LRBA: variants seen among roughly 807,000 people sequenced by gnomAD.
LRBA encodes LPS responsive beige-like anchor protein.
Under a neutral mutation model 330.0 loss-of-function variants are expected in LRBA, and 176 were observed. The observed-to-expected ratio is 0.53, with a 90% confidence interval of 0.47 to 0.60. The LOEUF is 0.60. LRBA is among the 20% of genes least tolerant of loss of function. The pLI, the probability that LRBA is intolerant of heterozygous loss-of-function variation, is 0.00. For missense variants in LRBA, 3,259 were observed against 3,444.8 expected (o/e 0.95, Z 1.35); for synonymous variants, 1,230 against 1,193.0 (o/e 1.03, Z -0.64).
At chr4:150,962,974 T>A in intron 2 of LRBA, among the ~76,000 whole-genome samples, 1 of 140,406 alleles carries the variant, frequency 7.1e-6, no homozygotes, top group African/African-American at 2.9e-5. Flanking sequence ...TAAATAAAAT[T>A]TAAAAGAAAT....
chr4:150,275,636 AACAG>A (rs1560948528), intron 56 of LRBA, among the ~76,000 whole-genome samples: 1 of 152,210 alleles, frequency 6.6e-6, no homozygotes, highest in African/African-American at 2.4e-5. Context: ...ATACACCAAT[AACAG>A]ACAAACAGCC....
chr4:150,803,083 T>TATATATAC (rs748531851), intron 33 of LRBA, among the ~76,000 whole-genome samples: 3 of 128,488 alleles, frequency 2.3e-5, no homozygotes, highest in African/African-American at 6.0e-5. Context: ...AAAATATATA[T>TATATATAC]ACACACACAC....
At chr4:150,836,298 G>C (rs949059590) in intron 28 of LRBA, among the ~76,000 whole-genome samples, 4 of 152,094 alleles carry the variant, frequency 2.6e-5, no homozygotes, top group Non-Finnish European at 5.9e-5. Flanking sequence ...TTTGGTAACA[G>C]GATGATGCTG....
chr4:150,282,712 T>C, intron 54 of LRBA, 66 bp from the exon 55 acceptor site: 1 of 1,123,412 alleles, frequency 8.9e-7, no homozygotes, highest in East Asian at 2.4e-5. Flanking sequence ...ATCTGAATCT[T>C]GAGCACAGAT....
intron 2 of LRBA, among the ~76,000 whole-genome samples, chr4:150,954,568 C>CAT (rs886255267): frequency 6.6e-6 from 1 of 150,498 alleles, no homozygotes; most frequent in African/African-American, 2.5e-5. Flanking sequence ...TTGAAGGCAG[C>CAT]ATACTCGTTA....
intron 40 of LRBA, among the ~76,000 whole-genome samples, chr4:150,546,417 G>A (rs1765867878): frequency 6.6e-6 from 1 of 152,166 alleles, no homozygotes; most frequent in Non-Finnish European, 1.5e-5. Context: ...GCTCCACTCT[G>A]CAAAGCCCTT....
chr4:150,527,996 T>A (rs1219505067), intron 40 of LRBA, among the ~76,000 whole-genome samples: 1 of 152,188 alleles, frequency 6.6e-6, no homozygotes, highest in South Asian at 2.1e-4. Context: ...ATTAATTCCT[T>A]TCTTTTTAAA....
At chr4:150,807,547 C>T (rs1224967790) in intron 32 of LRBA, among the ~76,000 whole-genome samples, 5 of 152,128 alleles carry the variant, frequency 3.3e-5, no homozygotes, top group Non-Finnish European at 7.4e-5. Context: ...CCCAATTAAA[C>T]AAGGTAAGTA....
chr4:150,973,148 C>CTGTTTGTTTGTTTGTTTGTT (rs3033033), intron 2 of LRBA, among the ~76,000 whole-genome samples: 2 of 149,464 alleles, frequency 1.3e-5, no homozygotes, highest in African/African-American at 4.9e-5. Flanking sequence ...TTTTGTCTGT[C>CTGTTTGTTTGTTTGTTTGTT]TGTTTGTTTG....
At chr4:150,963,390 T>C (rs1260026304) in intron 2 of LRBA, among the ~76,000 whole-genome samples, 1 of 149,612 alleles carries the variant, frequency 6.7e-6, no homozygotes, top group Non-Finnish European at 1.5e-5. Flanking sequence ...TTTCGCCCTG[T>C]TGGCCGGGCT....
At chr4:150,304,123 T>C (rs565683327) in intron 52 of LRBA, among the ~76,000 whole-genome samples, 130 of 152,264 alleles carry the variant, frequency 8.5e-4, no homozygotes, top group African/African-American at 3.0e-3. Flanking sequence ...AATTCCGATG[T>C]TCAAGAAAAA....
intron 36 of LRBA, among the ~76,000 whole-genome samples, chr4:150,711,993 C>A (rs1021768709): frequency 5.3e-5 from 8 of 152,148 alleles, no homozygotes. Context: ...TATAATGACA[C>A]CCTATCTAGT....
chr4:150,847,731 G>T (rs533875517), intron 26 of LRBA, among the ~76,000 whole-genome samples: 10 of 152,142 alleles, frequency 6.6e-5, no homozygotes, highest in African/African-American at 2.2e-4. Context: ...GCAAAAAAGG[G>T]TTTTTTTGTT....
chr4:151,002,761 C>CAGCTGGTGCTGGG (rs1483253592), intron 2 of LRBA, among the ~76,000 whole-genome samples: 16 of 151,686 alleles, frequency 1.1e-4, no homozygotes, highest in African/African-American at 3.6e-4. Flanking sequence ...TCTATAATCC[C>CAGCTGGTGCTGGG]AGCACTTTGG....
chr4:150,578,774 G>A lies in LRBA; in HGVS notation c.6330+9274C>T, dbSNP rs1006177989. Among the ~76,000 whole-genome samples the A allele has an allele frequency of 8.5e-5, 13 of 152,208 alleles. 1 individual carries two copies. Among genetic ancestry groups the A allele is most frequent in the African/African-American group, 2.4e-4 (10 of 41,458 alleles). Reference sequence around the variant, plus strand: ...GATGCAAGAGGTAAAGCCTAGAGAAGTCTGAAGGTTACGGACTACCTGATA... The same window carrying A: ...GATGCAAGAGGTAAAGCCTAGAGAAATCTGAAGGTTACGGACTACCTGATA... On this transcript the variant is annotated intron_variant, in intron 40 of 56. Coordinates refer to ENST00000651943, the MANE Select transcript of LRBA (RefSeq NM_001364905.1).
intron 40 of LRBA, among the ~76,000 whole-genome samples, chr4:150,534,883 C>T (rs1272259628): frequency 6.6e-6 from 1 of 152,122 alleles, no homozygotes; most frequent in Non-Finnish European, 1.5e-5. Context: ...TTAATGAGAA[C>T]TCCAGCTAAT....
chr4:150,859,850 C>CA, intron 22 of LRBA, among the ~76,000 whole-genome samples: 1 of 152,064 alleles, frequency 6.6e-6, no homozygotes, highest in Non-Finnish European at 1.5e-5. Flanking sequence ...TATTGAGATT[C>CA]AAAATGACTG....
chr4:150,552,109 C>G (rs1766679546), intron 40 of LRBA, among the ~76,000 whole-genome samples: 2 of 152,140 alleles, frequency 1.3e-5, no homozygotes, highest in African/African-American at 4.8e-5. Context: ...CACAGCTGAT[C>G]TGACAGGAGG....
chr4:150,762,751 A>G (rs1735265594), intron 34 of LRBA, among the ~76,000 whole-genome samples: 1 of 151,896 alleles, frequency 6.6e-6, no homozygotes, highest in African/African-American at 2.4e-5. Flanking sequence ...CTAACTACAT[A>G]ATATCCCTCA....
Sources: gnomAD v4.1 joint callset for allele counts (sites outside exome capture counted in the v4.1 genomes callset) on GRCh38, gnomAD v4.1.1 for gene constraint, MANE v1.5 for transcripts, NCBI Gene and HGNC (gene_info 2026-07-23, HGNC 2026-07-21) for gene names.